PPP1R13B: variants seen among roughly 807,000 people sequenced by gnomAD.
The protein encoded by PPP1R13B is apoptosis-stimulating of p53 protein 1.
PPP1R13B carries 44 observed loss-of-function variants against 119.8 expected under a neutral mutation model. That is an observed-to-expected ratio of 0.37 (90% confidence interval 0.29 to 0.47). PPP1R13B has a LOEUF of 0.47. Among genes scored for constraint, PPP1R13B ranks in the 20% least tolerant of loss-of-function variants. The pLI, the probability that PPP1R13B is intolerant of heterozygous loss-of-function variation, is 0.99. For missense variants in PPP1R13B, 1,227 were observed against 1,413.5 expected, an observed-to-expected ratio of 0.87 and a Z score of 2.12; for synonymous variants, 542 against 561.5, an observed-to-expected ratio of 0.97 and a Z score of 0.49.
chr14:103,744,481 G>T (rs902736182), intron 9 of PPP1R13B, among the ~76,000 whole-genome samples: 1 of 152,158 alleles, frequency 6.6e-6, no homozygotes, highest in African/African-American at 2.4e-5. Context: ...GACAAATTAC[G>T]TTTGTGTGGC....
intron 1 of PPP1R13B, among the ~76,000 whole-genome samples, chr14:103,802,252 T>C (rs1439591878): frequency 6.6e-6 from 1 of 152,088 alleles, no homozygotes; most frequent in East Asian, 1.9e-4. Flanking sequence ...GAGCTTGCAG[T>C]GAGCCAAGAT....
At chr14:103,773,586 C>G (rs1476824768) in intron 4 of PPP1R13B, among the ~76,000 whole-genome samples, 1 of 152,096 alleles carries the variant, frequency 6.6e-6, no homozygotes, top group African/African-American at 2.4e-5. Context: ...TGGAAGTTGG[C>G]AAAAGAACAG....
chr14:103,771,625 C>T (rs868765904), intron 4 of PPP1R13B, among the ~76,000 whole-genome samples: 10 of 151,762 alleles, frequency 6.6e-5, no homozygotes, highest in African/African-American at 1.7e-4. Flanking sequence ...GGATTACAGG[C>T]GCCTGCCAGG....
At chr14:103,832,732 C>T (rs1300943461) in intron 1 of PPP1R13B, among the ~76,000 whole-genome samples, 1 of 152,048 alleles carries the variant, frequency 6.6e-6, no homozygotes, top group Non-Finnish European at 1.5e-5. Context: ...TTTGGGAGGC[C>T]AAGGGGGGGC....
chr14:103,828,824 T>C (rs2086607088), intron 1 of PPP1R13B, among the ~76,000 whole-genome samples: 7 of 152,224 alleles, frequency 4.6e-5, no homozygotes, highest in Admixed American at 3.9e-4. Context: ...AGCTGCTTTC[T>C]TCTGTGCCAA....
chr14:103,837,729 T>C (rs1387123003), intron 1 of PPP1R13B, among the ~76,000 whole-genome samples: 2 of 152,330 alleles, frequency 1.3e-5, no homozygotes, highest in Admixed American at 1.3e-4. Flanking sequence ...TTAATCTCCC[T>C]TACTGCACCA....
At chr14:103,812,952 T>A (rs2086195700) in intron 1 of PPP1R13B, among the ~76,000 whole-genome samples, 1 of 152,186 alleles carries the variant, frequency 6.6e-6, no homozygotes, top group Admixed American at 6.5e-5. Flanking sequence ...AACTTGCAGT[T>A]GGGAATACAA....
chr14:103,755,897 T>C (rs1364250933), intron 5 of PPP1R13B, among the ~76,000 whole-genome samples: 7 of 152,180 alleles, frequency 4.6e-5, no homozygotes, highest in Admixed American at 6.5e-5. Flanking sequence ...AGACAACTTT[T>C]TAAAACAAGT....
At chr14:103,776,395 G>A (rs182566408) in intron 4 of PPP1R13B, among the ~76,000 whole-genome samples, 110 of 152,324 alleles carry the variant, frequency 7.2e-4, no homozygotes, top group African/African-American at 2.5e-3. Context: ...AAGTTGGGAA[G>A]TAGAGAGGTG....
At chr14:103,739,185 A>G (rs1567081225) in intron 12 of PPP1R13B, 162 bp from the exon 13 acceptor site, 8 of 930,468 alleles carry the variant, frequency 8.6e-6, no homozygotes, top group South Asian at 8.2e-5. Flanking sequence ...ACCACCTCAA[A>G]TAAGGGCCAG....
At chr14:103,736,767 C>T (rs1210162920) in intron 15 of PPP1R13B, 1 of 155,244 alleles carries the variant, frequency 6.4e-6, no homozygotes, top group Admixed American at 6.3e-5. Flanking sequence ...CCTCCCCTAG[C>T]CCTGCCACAC....
intron 8 of PPP1R13B, 151 bp downstream of exon 8, chr14:103,749,643 G>A (rs1184044732): frequency 1.3e-6 from 1 of 797,664 alleles, no homozygotes; most frequent in Non-Finnish European, 1.9e-6. Flanking sequence ...CTGGGAGAAG[G>A]AACTCTGTTC....
In PPP1R13B at chr14:103,846,831, C is replaced by T. The variant is rs145705943; in HGVS notation, c.9+468G>A. 689 of 472,284 alleles carry T rather than the reference C, an allele frequency of 1.5e-3. 5 individuals carry two copies. The highest frequency in any genetic ancestry group is 0.013 in the African/African-American group (642 of 50,434). The allele number at this position is 472,284 out of a possible 1,614,324, so 29.3% of individuals were successfully genotyped here. On this transcript the variant is annotated intron_variant, in intron 1 of 16. Coordinates refer to ENST00000202556, the MANE Select transcript of PPP1R13B (RefSeq NM_015316.3). ...TAAGATGGCTCTCCAAATCCGTGCA[C>T]TCGGCACCTTTCCTCAGTACAACCG...
At chr14:103,790,124 T>A (rs2085579803) in intron 2 of PPP1R13B, among the ~76,000 whole-genome samples, 1 of 151,572 alleles carries the variant, frequency 6.6e-6, no homozygotes, top group Non-Finnish European at 1.5e-5. Flanking sequence ...CGGGCGCCTA[T>A]AATCCCAGCT....
At chr14:103,823,558 T>C (rs1264979034) in intron 1 of PPP1R13B, among the ~76,000 whole-genome samples, 1 of 152,092 alleles carries the variant, frequency 6.6e-6, no homozygotes, top group African/African-American at 2.4e-5. Flanking sequence ...GACCCTACCT[T>C]GTCACCAAGA....
intron 2 of PPP1R13B, among the ~76,000 whole-genome samples, chr14:103,786,503 G>A (rs866269294): frequency 5.5e-4 from 84 of 151,954 alleles, no homozygotes; most frequent in Admixed American, 1.5e-3. Context: ...GGTGACTCAC[G>A]CCTGTAATTC....
chr14:103,739,715 C>T, intron 12 of PPP1R13B, 109 bp downstream of exon 12: 2 of 1,323,082 alleles, frequency 1.5e-6, no homozygotes, highest in Non-Finnish European at 1.0e-6. Context: ...TCAGGGACAT[C>T]CCTGGTTCCC....
chr14:103,761,517 G>T (rs959796398), intron 4 of PPP1R13B, among the ~76,000 whole-genome samples: 4 of 151,714 alleles, frequency 2.6e-5, no homozygotes, highest in Non-Finnish European at 5.9e-5. Context: ...TAATCCCAGC[G>T]CTTTGGGAGG....
At chr14:103,818,684 C>A (rs1260091712) in intron 1 of PPP1R13B, among the ~76,000 whole-genome samples, 1 of 152,124 alleles carries the variant, frequency 6.6e-6, no homozygotes, top group Non-Finnish European at 1.5e-5. Context: ...ATCCCTCTTG[C>A]CATGCTGACT....
Sources: allele counts gnomAD v4.1 joint callset (sites outside exome capture counted in the v4.1 genomes callset), GRCh38; gene constraint gnomAD v4.1.1; transcripts MANE v1.5; gene names NCBI Gene and HGNC (gene_info 2026-07-23, HGNC 2026-07-21).